The following MAL2 variants were observed in gnomAD, a reference collection of about 807,000 sequenced individuals.
MAL2 encodes the protein mal, T cell differentiation protein 2, also known as protein MAL2.
Under a neutral mutation model 18.1 loss-of-function variants are expected in MAL2, and 17 were observed. The observed-to-expected ratio is 0.94, with a 90% confidence interval of 0.64 to 1.41. The LOEUF is 1.41. MAL2 is among the 40% of genes most tolerant of loss of function. MAL2 has a pLI of 0.00. For synonymous variants in MAL2, 102 were observed against 102.3 expected (o/e 1.00, Z 0.02); for missense variants, 222 against 231.9 (o/e 0.96, Z 0.28).
chr8:119,232,825 T>A (rs986694589), intron 2 of MAL2, among the ~76,000 whole-genome samples: 2 of 147,744 alleles, frequency 1.4e-5, no homozygotes, highest in African/African-American at 5.4e-5. Flanking sequence ...TTGATCTCTA[T>A]GGCATCTTAA....
At chr8:119,225,105 C>CAGAT (rs2129826461) in intron 2 of MAL2, among the ~76,000 whole-genome samples, 1 of 151,896 alleles carries the variant, frequency 6.6e-6, no homozygotes, top group East Asian at 1.9e-4. Context: ...CATAAACTTG[C>CAGAT]AGATAGTATT....
intron 2 of MAL2, among the ~76,000 whole-genome samples, chr8:119,230,251 G>C (rs1817688291): frequency 6.6e-6 from 1 of 152,204 alleles, no homozygotes; most frequent in African/African-American, 2.4e-5. Context: ...AACACCAAGA[G>C]TATATATGAC....
intron 2 of MAL2, 52 bp from the exon 3 acceptor site, chr8:119,240,113 A>G (rs1818014838): frequency 6.4e-7 from 1 of 1,562,740 alleles, no homozygotes; most frequent in Non-Finnish European, 8.7e-7. Flanking sequence ...TAAAATAAGG[A>G]ACAGAAAAAT....
rs191103444 is a variant in MAL2 at position 119,221,173 on chromosome 8, G to T, written c.133-414G>T. 2.0e-3 allele frequency: 327 copies of T among 166,946 alleles called. 2 individuals are homozygous for T. The highest frequency in any genetic ancestry group is 2.7e-3 in the Non-Finnish European group (203 of 75,878). 10.3% of individuals were successfully genotyped at this position (166,946 alleles called of 1,614,324 possible). Reference sequence around the variant, plus strand: ...AAGCTGGTTTATAGTGATGTGAAGAGCAACTTCAAGGAGAGGAATTGGAGA... The same window carrying T: ...AAGCTGGTTTATAGTGATGTGAAGATCAACTTCAAGGAGAGGAATTGGAGA... On this transcript the variant is annotated intron_variant, in intron 1 of 3. Coordinates refer to ENST00000614891, the MANE Select transcript of MAL2 (RefSeq NM_052886.3).
rs898393340 is a variant in MAL2, at chr8:119,234,719, G to T, written c.304-5446G>T. 2.1e-4 allele frequency among the ~76,000 whole-genome samples: 32 copies of T among 151,652 alleles called. 1 individual carries two copies. Among genetic ancestry groups the T allele is most frequent in the African/African-American group, 7.6e-4 (31 of 40,990 alleles). ...GGCACACTCACAATTCACACGGCAGGGTATTCCAACAGACCTGCAGCTGAG... is the reference window on the plus strand; with the variant it reads ...GGCACACTCACAATTCACACGGCAGTGTATTCCAACAGACCTGCAGCTGAG... On this transcript the variant is annotated intron_variant, in intron 2 of 3. Transcript: ENST00000614891.
At chr8:119,236,725 A>G (rs1202627676) in intron 2 of MAL2, among the ~76,000 whole-genome samples, 13 of 150,102 alleles carry the variant, frequency 8.7e-5, no homozygotes, top group South Asian at 4.2e-4. Context: ...GCAGAAATAA[A>G]GATGTTCTTT....
intron 1 of MAL2, among the ~76,000 whole-genome samples, chr8:119,214,956 G>C (rs1817325556): frequency 1.3e-5 from 2 of 152,216 alleles, no homozygotes; most frequent in Non-Finnish European, 2.9e-5. Context: ...TCCAGAAGCA[G>C]TTTGGACAGA....
chr8:119,238,757 C>A lies in MAL2; in HGVS notation c.304-1408C>A, dbSNP rs562442333. On this transcript the variant is annotated intron_variant, in intron 2 of 3. Transcript: ENST00000614891. The stretch of plus-strand genomic sequence containing the variant: ...GCTGAAACTGGATCCCTTCCTTACA[C>A]CTTATACAAAAATTAATTCAAGATG... Among the ~76,000 whole-genome samples the A allele has an allele frequency of 4.6e-3, 689 of 150,472 alleles. 18 individuals carry two copies. Among genetic ancestry groups the A allele is most frequent in the Admixed American group, 0.041 (619 of 15,168 alleles).
chr8:119,240,921 A>G (rs140896456), intron 3 of MAL2, among the ~76,000 whole-genome samples: 323 of 152,192 alleles, frequency 2.1e-3, no homozygotes, highest in Admixed American at 3.7e-3. Context: ...ACTGGAGTGA[A>G]TTTGTCATTT....
chr8:119,230,728 T>C (rs1304955105), intron 2 of MAL2, among the ~76,000 whole-genome samples: 1 of 152,162 alleles, frequency 6.6e-6, no homozygotes, highest in East Asian at 1.9e-4. Flanking sequence ...CTCAGACAAA[T>C]TTTCTCTTAA....
chr8:119,218,947 TGTGG>T (rs1421645191), intron 1 of MAL2, among the ~76,000 whole-genome samples: 1 of 152,190 alleles, frequency 6.6e-6, no homozygotes, highest in Non-Finnish European at 1.5e-5. Context: ...GGTTATTCTT[TGTGG>T]GAGAGTAAGA....
At chr8:119,233,459 A>T (rs564419801) in intron 2 of MAL2, among the ~76,000 whole-genome samples, 1 of 152,304 alleles carries the variant, frequency 6.6e-6, no homozygotes, top group East Asian at 1.9e-4. Context: ...AAGAGAGAAG[A>T]ATCAAATAGA....
At chr8:119,229,441 T>C (rs1392497407) in intron 2 of MAL2, among the ~76,000 whole-genome samples, 1 of 151,916 alleles carries the variant, frequency 6.6e-6, no homozygotes, top group South Asian at 2.1e-4. Flanking sequence ...GCCTTCCGAG[T>C]AACTGGGATT....
chr8:119,241,371 A>G (rs994204017), intron 3 of MAL2, among the ~76,000 whole-genome samples: 1 of 147,258 alleles, frequency 6.8e-6, no homozygotes, highest in African/African-American at 2.7e-5. Context: ...CTGAAAAAGG[A>G]AAAAAAACAG....
At chr8:119,227,555 C>T (rs570620936) in intron 2 of MAL2, among the ~76,000 whole-genome samples, 1 of 152,284 alleles carries the variant, frequency 6.6e-6, no homozygotes, top group Non-Finnish European at 1.5e-5. Flanking sequence ...AGAATGTGGC[C>T]TTGGCTCATG....
chr8:119,239,928 A>G (rs1818010885), intron 2 of MAL2, among the ~76,000 whole-genome samples: 2 of 152,164 alleles, frequency 1.3e-5, no homozygotes, highest in South Asian at 4.1e-4. Flanking sequence ...AAAATTACAT[A>G]TTATAAAATT....
At chr8:119,217,061 T>C (rs563507539) in intron 1 of MAL2, among the ~76,000 whole-genome samples, 1 of 152,266 alleles carries the variant, frequency 6.6e-6, no homozygotes, top group Non-Finnish European at 1.5e-5. Context: ...CAAGAGTTGC[T>C]ACTTGCTCAA....
At position 119,240,209 on chromosome 8, in the gene MAL2, C is replaced by T; in HGVS notation, c.348C>T (p.Ala116=). 1.2e-6 allele frequency: 2 copies of T among 1,613,490 alleles called. No homozygotes were observed. The highest frequency in any genetic ancestry group is 1.7e-6 in the Non-Finnish European group (2 of 1,179,736). The change falls in exon 3 of 4, where the codon GCC becomes GCT. Residue 116 remains alanine (A), a synonymous_variant. Coordinates refer to ENST00000614891, the MANE Select transcript of MAL2 (RefSeq NM_052886.3). ...HFTVFVFYFG[A]FLLEAAATSL... ...CAGTATTTGTCTTCTATTTTGGAGC[C>T]TTTTTATTGGAAGCAGCAGCCACAT...
intron 1 of MAL2, among the ~76,000 whole-genome samples, chr8:119,217,137 C>G (rs1386681032): frequency 6.6e-6 from 1 of 152,174 alleles, no homozygotes; most frequent in Non-Finnish European, 1.5e-5. Context: ...AACATGTCTT[C>G]ACATCAAACC....
Sources: gnomAD v4.1 joint callset for allele counts (sites outside exome capture counted in the v4.1 genomes callset) on GRCh38, gnomAD v4.1.1 for gene constraint, MANE v1.5 for transcripts, NCBI Gene and HGNC (gene_info 2026-07-23, HGNC 2026-07-21) for gene names.